The following TSHZ2 variants were observed in gnomAD, a reference collection of about 807,000 sequenced individuals.
TSHZ2 encodes the protein teashirt homolog 2.
A neutral mutation model predicts 74.4 loss-of-function variants in TSHZ2; 21 were observed. The ratio of observed to expected loss-of-function variants is 0.28; its 90% CI spans 0.20 to 0.41. The LOEUF is 0.41. Ranked by LOEUF, TSHZ2 falls within the 10% of genes least tolerant of loss-of-function variation. The pLI, the probability that TSHZ2 is intolerant of heterozygous loss-of-function variation, is 1.00. For missense variants in TSHZ2, 1,244 were observed against 1,293.5 expected, an observed-to-expected ratio of 0.96 and a Z score of 0.59; for synonymous variants, 540 against 515.3, an observed-to-expected ratio of 1.05 and a Z score of -0.65.
In TSHZ2 at chr20:53,331,636, C is replaced by G. The variant is rs2145548720; in HGVS notation, c.*8+75065C>G. 1.3e-5 allele frequency among the ~76,000 whole-genome samples: 2 copies of G among 152,236 alleles called. 1 individual carries two copies. The highest frequency in any genetic ancestry group is 4.2e-4 in the South Asian group (2 of 4,810). ...TGTGGGAGAAGTGACCACCATGGCTCAACGGAAGTCAGTCCCTCAGCCAGA... is the reference window on the plus strand; with the variant it reads ...TGTGGGAGAAGTGACCACCATGGCTGAACGGAAGTCAGTCCCTCAGCCAGA... On this transcript the variant is annotated intron_variant, in intron 2 of 2. Coordinates refer to ENST00000371497, the MANE Select transcript of TSHZ2 (RefSeq NM_173485.6).
intron 1 of TSHZ2, among the ~76,000 whole-genome samples, chr20:53,184,815 A>T (rs2010373): frequency 0.66 from 100,024 of 152,126 alleles, 34,310 homozygotes; most frequent in East Asian, 0.89. Flanking sequence ...TTCAAACAAT[A>T]CTCATGCCTC....
intron 1 of TSHZ2, among the ~76,000 whole-genome samples, chr20:53,155,052 A>ATTTTTT (rs11475183): frequency 1.6e-4 from 19 of 118,088 alleles, no homozygotes; most frequent in Admixed American, 2.6e-4. Context: ...TTGAATATGC[A>ATTTTTT]TTTTTTTTTT....
chr20:53,433,054 A>G (rs1362953678), intron 2 of TSHZ2, among the ~76,000 whole-genome samples: 1 of 152,196 alleles, frequency 6.6e-6, no homozygotes, highest in African/African-American at 2.4e-5. Flanking sequence ...TAACAGTACT[A>G]GCTACCTTTG....
intron 2 of TSHZ2, among the ~76,000 whole-genome samples, chr20:53,370,783 C>T (rs983813231): frequency 6.6e-6 from 1 of 152,116 alleles, no homozygotes; most frequent in Non-Finnish European, 1.5e-5. Context: ...AACAAAACCA[C>T]GTGAGCCCAT....
chr20:53,233,503 A>T (rs967113633), intron 1 of TSHZ2, among the ~76,000 whole-genome samples: 5 of 152,160 alleles, frequency 3.3e-5, no homozygotes, highest in Non-Finnish European at 5.9e-5. Flanking sequence ...AAAGAAGAGA[A>T]CTGTAGCATT....
At chr20:53,101,709 A>C (rs6013628) in intron 1 of TSHZ2, among the ~76,000 whole-genome samples, 29,763 of 152,130 alleles carry the variant, frequency 0.2, 3,630 homozygotes, top group African/African-American at 0.36. Context: ...ATATACTTTG[A>C]AATTTGAAAC....
At chr20:53,130,828 A>C (rs867363592) in intron 1 of TSHZ2, among the ~76,000 whole-genome samples, 13 of 152,232 alleles carry the variant, frequency 8.5e-5, no homozygotes, top group Non-Finnish European at 1.8e-4. Flanking sequence ...TAATACGAGC[A>C]TCAAGCAACC....
At chr20:53,026,353 T>TC (rs1374019778) in intron 1 of TSHZ2, among the ~76,000 whole-genome samples, 4 of 137,748 alleles carry the variant, frequency 2.9e-5, no homozygotes, top group Non-Finnish European at 4.6e-5. Flanking sequence ...TCTCATATTC[T>TC]TTTTTTTTTT....
In TSHZ2 at chr20:53,223,898, A is replaced by AACACAC. The variant is rs71675648; in HGVS notation, c.41-29572_41-29567dup. Among the ~76,000 whole-genome samples the AACACAC allele has an allele frequency of 3.5e-3, 514 of 145,494 alleles. 5 individuals carry two copies. The highest frequency in any genetic ancestry group is 0.012 in the African/African-American group (484 of 39,262). On this transcript the variant is annotated intron_variant, in intron 1 of 2. Transcript: ENST00000371497. ...ATGTGAAAAAAATGTTACAGGACTA[A>AACACAC]ACACACACACACACACACACACACA...
intron 1 of TSHZ2, among the ~76,000 whole-genome samples, chr20:52,977,421 TAC>T (rs36230826): frequency 0.14 from 19,701 of 141,138 alleles, 1,587 homozygotes; most frequent in Admixed American, 0.18. Flanking sequence ...AATGGAAAAA[TAC>T]ACACACACAC....
chr20:53,026,541 T>C (rs1044588835), intron 1 of TSHZ2, among the ~76,000 whole-genome samples: 1 of 151,904 alleles, frequency 6.6e-6, no homozygotes, highest in Middle Eastern at 3.2e-3. Flanking sequence ...TTTAAAAAAA[T>C]TTTTTTCTAA....
At chr20:53,425,537 T>C (rs1397170843) in intron 2 of TSHZ2, among the ~76,000 whole-genome samples, 4 of 152,190 alleles carry the variant, frequency 2.6e-5, no homozygotes, top group Admixed American at 6.5e-5. Context: ...TCTGGGAAAA[T>C]TGAGGCACAG....
intron 1 of TSHZ2, among the ~76,000 whole-genome samples, chr20:53,215,654 G>T (rs1008538684): frequency 6.6e-5 from 10 of 151,756 alleles, no homozygotes; most frequent in Admixed American, 3.9e-4. Context: ...ATCACCTGAG[G>T]TCGGGAGTTC....
chr20:53,133,335 A>G (rs141168889), intron 1 of TSHZ2, among the ~76,000 whole-genome samples: 84 of 152,244 alleles, frequency 5.5e-4, no homozygotes, highest in Non-Finnish European at 1.1e-3. Context: ...CAGCTTTCCC[A>G]CAGCTCAGCA....
At chr20:53,287,564 A>C (rs931267724) in intron 2 of TSHZ2, among the ~76,000 whole-genome samples, 1 of 152,242 alleles carries the variant, frequency 6.6e-6, no homozygotes, top group Non-Finnish European at 1.5e-5. Context: ...GCTGTTACTT[A>C]TCTGTTGAGT....
chr20:53,453,288 A>T (rs1161977721), intron 2 of TSHZ2, among the ~76,000 whole-genome samples: 1 of 152,238 alleles, frequency 6.6e-6, no homozygotes, highest in African/African-American at 2.4e-5. Flanking sequence ...GGCCTGTACA[A>T]TGAACAATTT....
intron 2 of TSHZ2, among the ~76,000 whole-genome samples, chr20:53,301,107 G>C (rs903317571): frequency 2.0e-5 from 3 of 151,672 alleles, no homozygotes; most frequent in Admixed American, 6.6e-5. Flanking sequence ...GCAGGTGTGA[G>C]CCACTAGGCC....
rs116433091 is a variant in TSHZ2, at chr20:53,202,755, G to A, written c.41-50744G>A. 2.6e-3 allele frequency among the ~76,000 whole-genome samples: 397 copies of A among 152,236 alleles called. 1 individual carries two copies. Among genetic ancestry groups the A allele is most frequent in the African/African-American group, 9.2e-3 (383 of 41,524 alleles). On this transcript the variant is annotated intron_variant, in intron 1 of 2. Transcript: ENST00000371497. ...GCCTGGGGTGCCTTGATCCAACGAA[G>A]GGAAGTCAGGTTTAGCATTGGAAGC...
In TSHZ2 at chr20:53,418,812, G is replaced by A. The variant is rs150770021; in HGVS notation, c.*9-68332G>A. 8.1e-3 allele frequency among the ~76,000 whole-genome samples: 1,234 copies of A among 152,196 alleles called. 47 individuals carry two copies. Among genetic ancestry groups the A allele is most frequent in the Admixed American group, 0.053 (813 of 15,276 alleles). The stretch of plus-strand genomic sequence containing the variant: ...ACCTGAAGTACTCTCCTCCCCACTC[G>A]CTCCCAGCTCAGTCCAGGCCGCCAA... On this transcript the variant is annotated intron_variant, in intron 2 of 2. Coordinates refer to ENST00000371497, the MANE Select transcript of TSHZ2 (RefSeq NM_173485.6).
Sources: allele counts gnomAD v4.1 joint callset (sites outside exome capture counted in the v4.1 genomes callset), GRCh38; gene constraint gnomAD v4.1.1; transcripts MANE v1.5; gene names NCBI Gene and HGNC (gene_info 2026-07-23, HGNC 2026-07-21).